Variants in ERC2 observed in about 807,000 individuals in gnomAD.
ERC2 encodes ELKS/RAB6-interacting/CAST family member 2.
A neutral mutation model predicts 114.8 loss-of-function variants in ERC2; 42 were observed. The ratio of observed to expected loss-of-function variants is 0.37; its 90% confidence interval spans 0.29 to 0.47. The LOEUF is 0.47. Ranked by LOEUF, ERC2 falls within the 20% of genes least tolerant of loss-of-function variation. The pLI is 0.99. For synonymous variants in ERC2, 454 were observed against 425.5 expected (o/e 1.07, Z -0.82); for missense variants, 939 against 1,150.7 (o/e 0.82, Z 2.66).
At chr3:56,039,908 T>A (rs1023943939) in intron 7 of ERC2, among the ~76,000 whole-genome samples, 2 of 152,180 alleles carry the variant, frequency 1.3e-5, no homozygotes, top group Non-Finnish European at 2.9e-5. Context: ...AGAATATCTT[T>A]AATAAATAAT....
At chr3:56,431,492 C>T (rs563984474) in intron 2 of ERC2, among the ~76,000 whole-genome samples, 100 of 152,236 alleles carry the variant, frequency 6.6e-4, no homozygotes, top group Non-Finnish European at 1.2e-3. Context: ...GGAAAAGACC[C>T]GTCCCACAGA....
intron 6 of ERC2, among the ~76,000 whole-genome samples, chr3:56,108,453 AT>A (rs909509499): frequency 6.6e-6 from 1 of 152,116 alleles, no homozygotes; most frequent in African/African-American, 2.4e-5. Flanking sequence ...ATAACCAATA[AT>A]TTTTTATAAT....
chr3:56,129,607 T>A (rs1469111503), intron 6 of ERC2, among the ~76,000 whole-genome samples: 1 of 152,212 alleles, frequency 6.6e-6, no homozygotes, highest in Non-Finnish European at 1.5e-5. Flanking sequence ...TTTTTCTTCC[T>A]GCAAACCATT....
intron 13 of ERC2, among the ~76,000 whole-genome samples, chr3:55,889,684 C>G (rs1233108337): frequency 6.6e-6 from 1 of 152,108 alleles, no homozygotes; most frequent in East Asian, 1.9e-4. Flanking sequence ...CCCTGCTGAT[C>G]CAAAATCATG....
intron 3 of ERC2, among the ~76,000 whole-genome samples, chr3:56,274,202 T>C (rs527985233): frequency 2.6e-5 from 4 of 152,322 alleles, no homozygotes; most frequent in East Asian, 3.9e-4. Flanking sequence ...TGAACCTTAT[T>C]GTGAACTGCG....
chr3:55,746,788 A>T (rs1390195), intron 14 of ERC2, among the ~76,000 whole-genome samples: 89,138 of 151,710 alleles, frequency 0.59, 26,581 homozygotes, highest in South Asian at 0.69. Flanking sequence ...CCATCTGTTT[A>T]TCAAAGCTGT....
chr3:56,080,930 T>C lies in ERC2; in HGVS notation c.1528A>G (p.Thr510Ala), dbSNP rs576031151. The change falls in exon 7 of 18, where the codon ACA becomes GCA. Residue 510 changes from threonine to alanine, a missense_variant. This residue lies in a region of ERC2 where 149 missense variants were observed against 254.6 expected (regional missense o/e 0.59). Transcript: ENST00000288221. ...EEKESFLNKK[T>A]KQLQDLTEEK... ...TCTGTGAGGTCCTGTAGCTGTTTTG[T>C]TTTTTTATTGAGGAAAGATTCTTTT... The C allele has an allele frequency of 6.2e-7, 1 of 1,613,514 alleles. No homozygotes were observed. Among genetic ancestry groups the C allele is most frequent in the African/African-American group, 1.3e-5 (1 of 75,024 alleles).
chr3:56,183,182 A>C (rs1473191572), intron 3 of ERC2, among the ~76,000 whole-genome samples: 1 of 152,232 alleles, frequency 6.6e-6, no homozygotes, highest in East Asian at 1.9e-4. Flanking sequence ...CCTCAGATGG[A>C]TTCCAAAAGG....
chr3:55,975,895 T>C (rs907839895), intron 12 of ERC2, among the ~76,000 whole-genome samples: 10 of 152,210 alleles, frequency 6.6e-5, no homozygotes, highest in African/African-American at 2.4e-4. Context: ...CTTTTCCATT[T>C]TTCTAGTCCA....
intron 17 of ERC2, among the ~76,000 whole-genome samples, chr3:55,675,899 C>CT (rs2061771739): frequency 1.7e-5 from 1 of 58,152 alleles, no homozygotes; most frequent in Non-Finnish European, 3.2e-5. Context: ...TTTCTCTTTT[C>CT]TTTCTTTTTT....
chr3:55,567,982 G>T (rs1056043080), intron 17 of ERC2, among the ~76,000 whole-genome samples: 2 of 152,130 alleles, frequency 1.3e-5, no homozygotes, highest in East Asian at 3.9e-4. Flanking sequence ...TGTTTTCAGT[G>T]GTTTTTCATT....
rs2075955324 is a variant in ERC2 at position 56,055,112 on chromosome 3, TGC to T, written c.1641+25703_1641+25704del. Among the ~76,000 whole-genome samples the T allele has an allele frequency of 2.0e-5, 3 of 152,258 alleles. No individual in the cohort carries two copies. The South Asian group carries it at 6.2e-4, about 32-fold the overall frequency. The stretch of plus-strand genomic sequence containing the variant: ...AAGCCCCACTAAACTTAAACTGAAA[TGC>T]CAAACACGGCGACCTGGGCCCCGTT... On this transcript the variant is annotated intron_variant, in intron 7 of 17. Transcript: ENST00000288221.
At chr3:56,239,505 G>C (rs181638116) in intron 3 of ERC2, among the ~76,000 whole-genome samples, 92 of 151,984 alleles carry the variant, frequency 6.1e-4, no homozygotes, top group African/African-American at 2.1e-3. Flanking sequence ...GTCTCTGTCT[G>C]AAAAAATAAA....
At chr3:56,194,302 AG>A (rs1560346605) in intron 3 of ERC2, among the ~76,000 whole-genome samples, 1 of 152,162 alleles carries the variant, frequency 6.6e-6, no homozygotes, top group Non-Finnish European at 1.5e-5. Flanking sequence ...TGGAAAAAAA[AG>A]GTATTTGCAG....
chr3:56,411,335 T>G (rs1183691938), intron 2 of ERC2, among the ~76,000 whole-genome samples: 7 of 151,772 alleles, frequency 4.6e-5, no homozygotes, highest in Non-Finnish European at 1.0e-4. Context: ...TCTGCTTGCC[T>G]GCCTCACCCA....
intron 17 of ERC2, among the ~76,000 whole-genome samples, chr3:55,655,017 T>C (rs1430547523): frequency 6.6e-6 from 1 of 152,202 alleles, no homozygotes. Context: ...TATACAGGCC[T>C]GTGGCAGGTG....
At chr3:55,829,606 C>T (rs1304636770) in intron 14 of ERC2, among the ~76,000 whole-genome samples, 1 of 152,166 alleles carries the variant, frequency 6.6e-6, no homozygotes, top group Non-Finnish European at 1.5e-5. Context: ...TTTCAACCTC[C>T]TGGACTCAAG....
intron 4 of ERC2, among the ~76,000 whole-genome samples, chr3:56,150,968 C>G (rs1027131460): frequency 6.6e-6 from 1 of 152,084 alleles, no homozygotes; most frequent in African/African-American, 2.4e-5. Flanking sequence ...CACTCTCGCT[C>G]TCTCTACCAA....
intron 16 of ERC2, among the ~76,000 whole-genome samples, chr3:55,698,601 G>A (rs2063058985): frequency 6.6e-6 from 1 of 152,104 alleles, no homozygotes; most frequent in African/African-American, 2.4e-5. Flanking sequence ...AAATGTATCA[G>A]TTACACTAGG....
Sources: gnomAD v4.1 joint callset for allele counts (sites outside exome capture counted in the v4.1 genomes callset) on GRCh38, gnomAD v4.1.1 for gene constraint, gnomAD v4.1.1 regional missense constraint, MANE v1.5 for transcripts, NCBI Gene and HGNC (gene_info 2026-07-23, HGNC 2026-07-21) for gene names.